SYNJ2: variants seen among roughly 807,000 people sequenced by gnomAD.
The protein encoded by SYNJ2 is polyphosphatidylinositol phosphatase SYNJ2.
Under a neutral mutation model 141.3 loss-of-function variants are expected in SYNJ2, and 116 were observed. The observed-to-expected ratio is 0.82, with a 90% confidence interval of 0.71 to 0.96. The LOEUF is 0.96. Among genes scored for constraint, SYNJ2 ranks in the 40% least tolerant of loss-of-function variants. The probability of loss-of-function intolerance (pLI) is 0.00; values close to 1 mark genes in which losing one functional copy is unlikely to be tolerated. For synonymous variants in SYNJ2, 745 were observed against 777.7 expected (o/e 0.96, Z 0.70); for missense variants, 1,873 against 1,934.8 (o/e 0.97, Z 0.60).
intron 8 of SYNJ2, among the ~76,000 whole-genome samples, chr6:158,063,413 C>G (rs542477031): frequency 2.0e-5 from 3 of 152,034 alleles, no homozygotes; most frequent in African/African-American, 7.2e-5. Context: ...GTAATCCCAG[C>G]ACTTTGGAAG....
intron 23 of SYNJ2, among the ~76,000 whole-genome samples, chr6:158,087,477 C>A (rs1783130209): frequency 6.6e-6 from 1 of 152,210 alleles, no homozygotes; most frequent in Non-Finnish European, 1.5e-5. Context: ...GGTCTAGGAG[C>A]ATTTTCTTCT....
At chr6:158,059,542 G>T (rs1297131695) in intron 7 of SYNJ2, 189 bp downstream of exon 7, 7 of 1,350,960 alleles carry the variant, frequency 5.2e-6, no homozygotes, top group African/African-American at 1.5e-5. Context: ...GATACAGTGA[G>T]TGTAATTTCT....
chr6:158,090,546 T>TTG (rs1554257282), intron 25 of SYNJ2, among the ~76,000 whole-genome samples: 2 of 145,620 alleles, frequency 1.4e-5, no homozygotes, highest in East Asian at 2.0e-4. Context: ...TTTTTTGTTT[T>TTG]TTTTTTTTTT....
rs375573284 is a variant in SYNJ2 at position 158,058,653 on chromosome 6, A to G, written c.858-604A>G. 1.6e-3 allele frequency among the ~76,000 whole-genome samples: 242 copies of G among 152,350 alleles called. 2 individuals are homozygous for G. Among genetic ancestry groups the G allele is most frequent in the African/African-American group, 5.3e-3 (219 of 41,584 alleles). On this transcript the variant is annotated intron_variant, in intron 6 of 26. Coordinates refer to ENST00000355585, the MANE Select transcript of SYNJ2 (RefSeq NM_003898.4). ...GCATGTGTAAGACTCTAGCCCAGGCACGGTGGCTTATGCCTGTAATCCCAA... is the reference window on the plus strand; with the variant it reads ...GCATGTGTAAGACTCTAGCCCAGGCGCGGTGGCTTATGCCTGTAATCCCAA...
intron 2 of SYNJ2, among the ~76,000 whole-genome samples, chr6:158,025,704 GC>G (rs896501248): frequency 1.3e-5 from 2 of 151,754 alleles, no homozygotes; most frequent in Non-Finnish European, 2.9e-5. Flanking sequence ...TGTAATCCCA[GC>G]ACTTTGGGAG....
rs192363269 is a variant in SYNJ2, at chr6:157,995,377, T to C, written c.127+13289T>C. 3.9e-5 allele frequency among the ~76,000 whole-genome samples: 6 copies of C among 152,314 alleles called. No individual in the cohort carries two copies. In the East Asian group the frequency reaches 9.6e-4, roughly 24 times the overall value. On this transcript the variant is annotated intron_variant, in intron 1 of 26. Coordinates refer to ENST00000355585, the MANE Select transcript of SYNJ2 (RefSeq NM_003898.4). ...CTCCTATTAAAAAAAACAAACAGTG[T>C]GTGAGCTTCAAAGGAGCACCTTGAA...
chr6:158,014,808 C>G (rs1007451362), intron 1 of SYNJ2, among the ~76,000 whole-genome samples: 1 of 152,254 alleles, frequency 6.6e-6, no homozygotes, highest in Admixed American at 6.5e-5. Flanking sequence ...GCAGCCAGTC[C>G]ATGCTGGTTC....
intron 4 of SYNJ2, 119 bp downstream of exon 4, chr6:158,033,799 G>A (rs1251115955): frequency 1.9e-6 from 2 of 1,027,770 alleles, no homozygotes; most frequent in Non-Finnish European, 2.8e-6. Flanking sequence ...CTCTGATCAG[G>A]CTTCCTCCTA....
In SYNJ2 at chr6:158,098,510, G is replaced by T. The variant is rs368341508; in HGVS notation, c.*2146G>T. On this transcript the variant is annotated 3_prime_UTR_variant, in exon 27 of 27. Transcript: ENST00000355585. ...AGATTGGATTTGGAGTTGGTAGTAGGTATGGTTCTCATACCAGAATTCTCT... is the reference window on the plus strand; with the variant it reads ...AGATTGGATTTGGAGTTGGTAGTAGTTATGGTTCTCATACCAGAATTCTCT... The T allele has an allele frequency of 1.3e-4, 19 of 151,432 alleles. No homozygotes were observed. In the East Asian group the frequency reaches 1.4e-3, roughly 11 times the overall value. 9.4% of individuals were successfully genotyped at this position (151,432 alleles called of 1,614,324 possible).
intron 2 of SYNJ2, among the ~76,000 whole-genome samples, chr6:158,025,563 G>A (rs1778998013): frequency 6.6e-6 from 1 of 152,130 alleles, no homozygotes; most frequent in Admixed American, 6.6e-5. Flanking sequence ...GGGAGGCTGA[G>A]GCAAGAGAAT....
At chr6:158,007,799 C>T (rs1213557112) in intron 1 of SYNJ2, among the ~76,000 whole-genome samples, 4 of 152,144 alleles carry the variant, frequency 2.6e-5, no homozygotes, top group Non-Finnish European at 5.9e-5. Flanking sequence ...TGCACCACCT[C>T]ACCTGGCTAA....
chr6:157,996,543 C>T (rs533714305), intron 1 of SYNJ2, among the ~76,000 whole-genome samples: 1 of 152,300 alleles, frequency 6.6e-6, no homozygotes, highest in South Asian at 2.1e-4. Flanking sequence ...AATCTTCACA[C>T]CCACCTGCAT....
Position 157,982,150 on chromosome 6 carries a change from G to C in SYNJ2, c.127+62G>C. 7.8e-7 allele frequency: 1 copy of C among 1,279,566 alleles called. No homozygotes were observed. The highest frequency in any genetic ancestry group is 9.9e-7 in the Non-Finnish European group (1 of 1,012,190). The allele number at this position is 1,279,566 out of a possible 1,614,324, so 79.3% of individuals were successfully genotyped here. A position where few individuals can be genotyped will look rare whatever the true frequency, so the allele number is the denominator to read the frequency against. On this transcript the variant is annotated intron_variant, in intron 1 of 26. Transcript: ENST00000355585. The surrounding 1 kb of genome is among the most constrained non-coding windows in gnomAD (Gnocchi z 4.0). ...AGGGCGCCCGCATTCGCCCAGCCTC[G>C]GGAAGACGGGTACCCCCCCTTCCCG...
chr6:158,027,315 A>G lies in SYNJ2; in HGVS notation c.215-1441A>G, dbSNP rs891407934. On this transcript the variant is annotated intron_variant, in intron 2 of 26. Coordinates refer to ENST00000355585, the MANE Select transcript of SYNJ2 (RefSeq NM_003898.4). This position sits in a 1 kb window ranked among gnomAD's most constrained non-coding sequence, Gnocchi z 4.6. The stretch of plus-strand genomic sequence containing the variant: ...AGATCTCGCTGGGCGGATCCTTCAG[A>G]CCTCAGCGGGGTGGGAAGAGTGTCC... 1.6e-6 allele frequency: 1 copy of G among 627,394 alleles called. No individual in the cohort carries two copies. Among genetic ancestry groups the G allele is most frequent in the African/African-American group, 2.0e-5 (1 of 49,958 alleles). 38.9% of individuals were successfully genotyped at this position (627,394 alleles called of 1,614,324 possible).
In SYNJ2 at chr6:158,083,520, C is replaced by T; in HGVS notation, c.2957C>T (p.Ala986Val). The change falls in exon 21 of 27, where the codon GCC becomes GTC. Residue 986 changes from alanine to valine, a missense_variant. Coordinates refer to ENST00000355585, the MANE Select transcript of SYNJ2 (RefSeq NM_003898.4). ...EEIIRKRDSM[A>V]PVSPTANSCL... is the part of the protein sequence containing the mutation. Reference sequence around the variant, plus strand: ...ATCATTCGGAAACGAGACAGCATGGCCCCCGTGTCTCCCACTGCCAACTCC... The same window carrying T: ...ATCATTCGGAAACGAGACAGCATGGTCCCCGTGTCTCCCACTGCCAACTCC... 2 of 1,614,158 alleles carry T rather than the reference C, an allele frequency of 1.2e-6. No individual in the cohort carries two copies. The highest frequency in any genetic ancestry group is 1.7e-6 in the Non-Finnish European group (2 of 1,180,028).
At position 157,998,098 on chromosome 6, in the gene SYNJ2, C is replaced by G. The variant is rs531183900; in HGVS notation, c.127+16010C>G. Reference sequence around the variant, plus strand: ...GCTCAGAGAGGAATAGGCTGGAAACCTTGGCTGGCCAGCAGGATGCTGCCT... The same window carrying G: ...GCTCAGAGAGGAATAGGCTGGAAACGTTGGCTGGCCAGCAGGATGCTGCCT... On this transcript the variant is annotated intron_variant, in intron 1 of 26. Transcript: ENST00000355585. 2.0e-5 allele frequency among the ~76,000 whole-genome samples: 3 copies of G among 152,344 alleles called. No individual in the cohort carries two copies. In the South Asian group the frequency reaches 6.2e-4, roughly 32 times the overall value.
At position 158,043,236 on chromosome 6, in the gene SYNJ2, TG is replaced by T; in HGVS notation, c.712-78del. ...ATTCTGGCTGGTGTCGGGTCACAGGTGGCCGGATCCCGTTACCCAGCCCAGG... is the reference window on the plus strand; with the variant it reads ...ATTCTGGCTGGTGTCGGGTCACAGGTGCCGGATCCCGTTACCCAGCCCAGG... On this transcript the variant is annotated intron_variant, in intron 4 of 26. Transcript: ENST00000355585. This position sits in a 1 kb window ranked among gnomAD's most constrained non-coding sequence, Gnocchi z 4.0. 1 of 1,263,350 alleles carries T rather than the reference TG, an allele frequency of 7.9e-7. No homozygotes were observed. The highest frequency in any genetic ancestry group is 1.1e-6 in the Non-Finnish European group (1 of 875,664). The allele number at this position is 1,263,350 out of a possible 1,614,324, so 78.3% of individuals were successfully genotyped here.
intron 12 of SYNJ2, chr6:158,067,626 G>T (rs1781647451): frequency 1.0e-6 from 1 of 985,396 alleles, no homozygotes; most frequent in Non-Finnish European, 1.2e-6. Flanking sequence ...TTGCCTGTTG[G>T]TGAGTGACCT....
At chr6:157,995,328 C>T (rs1255441677) in intron 1 of SYNJ2, among the ~76,000 whole-genome samples, 2 of 152,106 alleles carry the variant, frequency 1.3e-5, no homozygotes, top group African/African-American at 2.4e-5. Flanking sequence ...AGAATATACA[C>T]CTGGAACAAA....
Sources: allele counts gnomAD v4.1 joint callset (sites outside exome capture counted in the v4.1 genomes callset), GRCh38; gene constraint gnomAD v4.1.1; non-coding constraint Gnocchi (gnomAD v3.1); transcripts MANE v1.5; gene names NCBI Gene and HGNC (gene_info 2026-07-23, HGNC 2026-07-21).